Variants in UBALD1 observed in about 807,000 individuals in gnomAD.
The protein encoded by UBALD1 is UBA like domain containing 1, also known as UBA-like domain-containing protein 1.
A neutral mutation model predicts 16.1 loss-of-function variants in UBALD1; 5 were observed. The ratio of observed to expected loss-of-function variants is 0.31; its 90% CI spans 0.16 to 0.66. The LOEUF (loss-of-function observed/expected upper bound fraction) is 0.66. UBALD1 is among the 30% of genes least tolerant of loss of function. UBALD1 has a pLI of 0.77. For missense variants in UBALD1, 220 were observed against 252.8 expected (o/e 0.87, Z 0.88); for synonymous variants, 146 against 105.3 (o/e 1.39, Z -2.37).
intron 1 of UBALD1, chr16:4,610,888 C>A: frequency 2.3e-6 from 1 of 426,822 alleles, no homozygotes; most frequent in Non-Finnish European, 4.1e-6. Flanking sequence ...CAGTACACCC[C>A]ATCCTGGGGG....
chr16:4,610,421 G>A, intron 2 of UBALD1, 72 bp downstream of exon 2: 1 of 1,501,944 alleles, frequency 6.7e-7, no homozygotes, highest in African/African-American at 1.4e-5. Flanking sequence ...CGGGGCCAGG[G>A]GCTGCTTATA....
At chr16:4,614,550 G>A (rs1017580258) in intron 1 of UBALD1, 128 bp downstream of exon 1, 6 of 1,308,374 alleles carry the variant, frequency 4.6e-6, no homozygotes, top group Non-Finnish European at 5.9e-6. Flanking sequence ...CGGGAAAGCG[G>A]GTCGGGTCTG....
chr16:4,613,597 C>T (rs568270840), intron 1 of UBALD1, among the ~76,000 whole-genome samples: 3 of 152,280 alleles, frequency 2.0e-5, no homozygotes, highest in South Asian at 4.1e-4. Flanking sequence ...GGTTCCCAGT[C>T]CCCGGCTGGG....
rs961902289 is a variant in UBALD1, at chr16:4,609,569, C to G, written c.*64G>C. ...AGACAGAAAAGGGGTGAAGGGGGCC[C>G]GCAGAGACGTCCTCTCCCCCGCCCC... is the stretch of plus-strand genomic sequence containing the variant. On this transcript the variant is annotated 3_prime_UTR_variant, in exon 3 of 3. Coordinates refer to ENST00000283474, the MANE Select transcript of UBALD1 (RefSeq NM_145253.3). The G allele has an allele frequency of 2.8e-6, 2 of 715,774 alleles. No individual in the cohort carries two copies. The highest frequency in any genetic ancestry group is 4.1e-6 in the Non-Finnish European group (2 of 489,152). 44.3% of individuals were successfully genotyped at this position (715,774 alleles called of 1,614,324 possible).
chr16:4,610,659 G>A (rs756173216), intron 1 of UBALD1, 104 bp from the exon 2 acceptor site: 7 of 1,326,982 alleles, frequency 5.3e-6, no homozygotes, highest in Non-Finnish European at 7.3e-6. Flanking sequence ...TGGCTGGACT[G>A]CTGAGTGGGA....
chr16:4,611,640 C>T (rs564919939), intron 1 of UBALD1: 1 of 153,230 alleles, frequency 6.5e-6, no homozygotes, highest in East Asian at 1.9e-4. Flanking sequence ...TCAGAAAGGC[C>T]AGGACAGGTG....
chr16:4,610,348 G>A (rs866986668), intron 2 of UBALD1, 145 bp downstream of exon 2: 31 of 836,506 alleles, frequency 3.7e-5, no homozygotes, highest in Middle Eastern at 4.6e-4. Flanking sequence ...CCACGGAGCC[G>A]GGACTCCTGC....
chr16:4,614,463 C>T, intron 1 of UBALD1: 6 of 668,338 alleles, frequency 9.0e-6, no homozygotes, highest in Admixed American at 4.3e-5. Context: ...GCGGGGGCGG[C>T]GTATCCCCGA....
intron 1 of UBALD1, 39 bp from the exon 2 acceptor site, chr16:4,610,594 C>T (rs770211174): frequency 2.9e-5 from 46 of 1,588,298 alleles, no homozygotes; most frequent in South Asian, 2.2e-4. Flanking sequence ...TCCAGGCCCC[C>T]GCCGGCCCTG....
At position 4,609,829 on chromosome 16, in the gene UBALD1, TGGG is replaced by T. The variant is rs1897335592; in HGVS notation, c.335_337del (p.Pro112del). 6.6e-7 allele frequency: 1 copy of T among 1,506,556 alleles called. No individual in the cohort carries two copies. Among genetic ancestry groups the T allele is most frequent in the Non-Finnish European group, 8.9e-7 (1 of 1,128,742 alleles). The allele number at this position is 1,506,556 out of a possible 1,614,324, so 93.3% of individuals were successfully genotyped here. On this transcript the variant is annotated inframe_deletion, in exon 3 of 3. Coordinates refer to ENST00000283474, the MANE Select transcript of UBALD1 (RefSeq NM_145253.3). ...GGCCGCAGAGCTGCTGGTGGCGGCATGGGGGAAGTGTGGCGGGGGTGACGTGGC... is the reference window on the plus strand; with the variant it reads ...GGCCGCAGAGCTGCTGGTGGCGGCATGGAAGTGTGGCGGGGGTGACGTGGC...
Position 4,609,808 on chromosome 16 carries a change from G to T in UBALD1, c.359C>A (p.Ala120Glu). 6.6e-7 allele frequency: 1 copy of T among 1,520,688 alleles called. No individual in the cohort carries two copies. The allele number at this position is 1,520,688 out of a possible 1,614,324, so 94.2% of individuals were successfully genotyped here. A position where few individuals can be genotyped will look rare whatever the true frequency, so the allele number is the denominator to read the frequency against. ...GGCCGCCGTGGGCCAGCTGGAGGCC[G>T]CAGAGCTGCTGGTGGCGGCATGGGG... ...HFPHAATSSS[A>E]ASSWPTAASP... The change falls in exon 3 of 3, where the codon GCG (alanine) becomes GAG (glutamate). Residue 120 changes from alanine (A) to glutamate (E), a missense_variant. Around this residue, in one of 2 missense-constraint regions of UBALD1, gnomAD observed 151 missense variants for 132.6 expected, o/e 1.14. Coordinates refer to ENST00000283474, the MANE Select transcript of UBALD1 (RefSeq NM_145253.3).
chr16:4,614,852 A>T lies in UBALD1; in HGVS notation c.-55T>A. 1.4e-6 allele frequency: 2 copies of T among 1,429,764 alleles called. No homozygotes were observed. The highest frequency in any genetic ancestry group is 1.9e-4 in the Middle Eastern group (1 of 5,174). 88.6% of individuals were successfully genotyped at this position (1,429,764 alleles called of 1,614,324 possible). On this transcript the variant is annotated 5_prime_UTR_variant, in exon 1 of 3. The change abolishes the stop of an existing upstream ORF in the 5' untranslated region. Transcript: ENST00000283474. ...CCTCCTCCGCCCGCGCCTCCGCCTC[A>T]CGCGTCCACCATTAGCGAGCCGGCT...
chr16:4,610,186 C>T (rs1329133343), intron 2 of UBALD1: 17 of 715,218 alleles, frequency 2.4e-5, no homozygotes, highest in Admixed American at 1.0e-4. Flanking sequence ...CAGGAGCCCA[C>T]GGTGCCTGGG....
intron 1 of UBALD1, 171 bp from the exon 2 acceptor site, chr16:4,610,726 GCTGT>G: frequency 1.4e-6 from 1 of 692,176 alleles, no homozygotes; most frequent in Non-Finnish European, 2.4e-6. Flanking sequence ...AACCCTCACT[GCTGT>G]CTAAGGAGGA....
intron 1 of UBALD1, 143 bp downstream of exon 1, chr16:4,614,535 G>T: frequency 2.3e-6 from 3 of 1,291,184 alleles, no homozygotes; most frequent in Non-Finnish European, 3.0e-6. Context: ...GCCGGGCACC[G>T]CCGTCGGGAA....
chr16:4,610,445 C>A (rs762185397), intron 2 of UBALD1, 48 bp downstream of exon 2: 22 of 1,556,376 alleles, frequency 1.4e-5, no homozygotes, highest in Non-Finnish European at 1.7e-5. Context: ...AGAACTAGCT[C>A]GGCCTCCTTC....
At chr16:4,614,412 G>GC (rs1555442403) in intron 1 of UBALD1, 7 of 288,416 alleles carry the variant, frequency 2.4e-5, no homozygotes, top group Non-Finnish European at 3.7e-5. Flanking sequence ...CAAAAGGGGT[G>GC]GGGGGGGTCC....
intron 1 of UBALD1, among the ~76,000 whole-genome samples, chr16:4,612,071 T>G (rs1897364918): frequency 6.7e-6 from 1 of 150,102 alleles, no homozygotes; most frequent in Non-Finnish European, 1.5e-5. Context: ...AGATTTTTTT[T>G]TTTTTTTTTT....
At chr16:4,610,161 AC>A in intron 2 of UBALD1, 178 bp from the exon 3 acceptor site, 1 of 725,588 alleles carries the variant, frequency 1.4e-6, no homozygotes, top group Non-Finnish European at 2.5e-6. Flanking sequence ...AGATGAACCG[AC>A]CCAGCCTCAC....
Sources: allele counts gnomAD v4.1 joint callset (sites outside exome capture counted in the v4.1 genomes callset), GRCh38; gene constraint gnomAD v4.1.1; regional missense constraint gnomAD v4.1.1; transcripts MANE v1.5; gene names NCBI Gene and HGNC (gene_info 2026-07-23, HGNC 2026-07-21).